SHLD1: variants seen among roughly 807,000 people sequenced by gnomAD.
The protein encoded by SHLD1 is shieldin complex subunit 1.
SHLD1 carries 3 observed loss-of-function variants against 5.5 expected under a neutral mutation model. The observed-to-expected ratio is 0.54, with a 90% CI of 0.25 to 1.40. SHLD1 has a LOEUF of 1.40. SHLD1 is among the 40% of genes most tolerant of loss of function. SHLD1 has a pLI of 0.15. For synonymous variants in SHLD1, 92 were observed against 94.3 expected (o/e 0.98, Z 0.14); for missense variants, 210 against 244.4 (o/e 0.86, Z 0.94).
intron 2 of SHLD1, among the ~76,000 whole-genome samples, chr20:5,791,563 CAAAAAAAAA>C (rs34606715): frequency 1.6e-5 from 1 of 61,018 alleles, no homozygotes; most frequent in Non-Finnish European, 2.9e-5. Context: ...GACCCTGTCT[CAAAAAAAAA>C]AAAAAAAAAA....
At chr20:5,832,103 G>A (rs2087735445) in intron 2 of SHLD1, among the ~76,000 whole-genome samples, 1 of 152,206 alleles carries the variant, frequency 6.6e-6, no homozygotes. Flanking sequence ...ACTGCGCCCA[G>A]CAAATTTTTG....
intron 2 of SHLD1, among the ~76,000 whole-genome samples, chr20:5,784,332 A>G (rs2087027129): frequency 6.6e-6 from 1 of 152,060 alleles, no homozygotes; most frequent in South Asian, 2.1e-4. Context: ...CCCTTCTTTA[A>G]AACTAAAAAA....
At chr20:5,752,451 T>C (rs1028735860) in intron 1 of SHLD1, among the ~76,000 whole-genome samples, 1 of 151,396 alleles carries the variant, frequency 6.6e-6, no homozygotes, top group Admixed American at 6.6e-5. Context: ...TTTTTGGAAA[T>C]TTAGGTGTCA....
chr20:5,817,545 T>C (rs2087552837), intron 2 of SHLD1, among the ~76,000 whole-genome samples: 1 of 151,818 alleles, frequency 6.6e-6, no homozygotes, highest in African/African-American at 2.4e-5. Flanking sequence ...GCCTGTACTC[T>C]GTAGCTAGTT....
At chr20:5,752,579 G>A (rs1396022873) in intron 1 of SHLD1, among the ~76,000 whole-genome samples, 1 of 150,688 alleles carries the variant, frequency 6.6e-6, no homozygotes, top group Non-Finnish European at 1.5e-5. Flanking sequence ...GCTTTGTAGG[G>A]CCATTTTAAA....
chr20:5,794,464 G>A lies in SHLD1; in HGVS notation c.178+21421G>A, dbSNP rs138097291. On this transcript the variant is annotated intron_variant, in intron 2 of 2. Coordinates refer to ENST00000303142, the MANE Select transcript of SHLD1 (RefSeq NM_152504.4). Reference sequence around the variant, plus strand: ...CAGGCCCCTTACAGAGAAGTTATTCGGATTAACACTGACCAAAAGTATCTA... The same window carrying A: ...CAGGCCCCTTACAGAGAAGTTATTCAGATTAACACTGACCAAAAGTATCTA... Among the ~76,000 whole-genome samples, 535 of 152,242 alleles carry A rather than the reference G, an allele frequency of 3.5e-3. 1 individual carries two copies. The highest frequency in any genetic ancestry group is 0.012 in the African/African-American group (483 of 41,524).
chr20:5,846,506 G>A (rs1448985522), intron 2 of SHLD1, among the ~76,000 whole-genome samples: 1 of 152,224 alleles, frequency 6.6e-6, no homozygotes, highest in Non-Finnish European at 1.5e-5. Context: ...CTACTCACAA[G>A]TGCTGCTTAC....
intron 1 of SHLD1, chr20:5,756,605 A>G (rs1984115576): frequency 6.1e-6 from 1 of 164,318 alleles, no homozygotes. Context: ...TTGATCTTGT[A>G]TCATGTGACC....
At chr20:5,840,391 G>A (rs907783471) in intron 2 of SHLD1, among the ~76,000 whole-genome samples, 1 of 152,024 alleles carries the variant, frequency 6.6e-6, no homozygotes, top group East Asian at 1.9e-4. Context: ...ACTGTTCAGG[G>A]TTTGTTAACT....
At chr20:5,852,415 C>CCCTTCCTTCCTACCTTCCTTCCTT (rs1555777909) in intron 2 of SHLD1, among the ~76,000 whole-genome samples, 2 of 149,982 alleles carry the variant, frequency 1.3e-5, no homozygotes, top group African/African-American at 5.0e-5. Context: ...TCCTTTCCCT[C>CCCTTCCTTCCTACCTTCCTTCCTT]CCTTCCTTCC....
chr20:5,782,418 G>A (rs376840274), intron 2 of SHLD1, among the ~76,000 whole-genome samples: 4 of 152,264 alleles, frequency 2.6e-5, no homozygotes, highest in Admixed American at 6.5e-5. Context: ...AGCATCCAAG[G>A]TACTTTCTAA....
intron 2 of SHLD1, among the ~76,000 whole-genome samples, chr20:5,781,201 C>T (rs1034767123): frequency 6.6e-6 from 1 of 152,172 alleles, no homozygotes; most frequent in African/African-American, 2.4e-5. Flanking sequence ...CTCAGCCCTT[C>T]CTAGTGAGAT....
At chr20:5,853,918 C>T (rs2088046779) in intron 2 of SHLD1, among the ~76,000 whole-genome samples, 1 of 151,784 alleles carries the variant, frequency 6.6e-6, no homozygotes, top group South Asian at 2.1e-4. Flanking sequence ...CTGCTCACTG[C>T]AGCCTCCACC....
At chr20:5,860,876 TAAAAAAAAAAAAAAAAAA>T (rs10555301) in intron 2 of SHLD1, among the ~76,000 whole-genome samples, 15 of 100,780 alleles carry the variant, frequency 1.5e-4, no homozygotes, top group South Asian at 4.0e-4. Context: ...TACTATTCTT[TAAAAAAAAAAAAAAAAAA>T]AAAAAAAAAA....
chr20:5,804,719 A>G (rs1299816576), intron 2 of SHLD1, among the ~76,000 whole-genome samples: 4 of 152,242 alleles, frequency 2.6e-5, no homozygotes, highest in Non-Finnish European at 4.4e-5. Flanking sequence ...TGCATCAAAC[A>G]AAAGTTTGCA....
intron 1 of SHLD1, 47 bp downstream of exon 1, chr20:5,750,526 G>C (rs1186736445): frequency 1.4e-5 from 2 of 144,748 alleles, no homozygotes; most frequent in African/African-American, 2.6e-5. Context: ...TGGGGGCGGG[G>C]GTCACAGCAA....
At chr20:5,802,419 T>A (rs1007634875) in intron 2 of SHLD1, among the ~76,000 whole-genome samples, 1 of 152,166 alleles carries the variant, frequency 6.6e-6, no homozygotes, top group Non-Finnish European at 1.5e-5. Context: ...TTAATCCTTC[T>A]GGGCCACACT....
At chr20:5,860,779 A>G (rs1398581858) in intron 2 of SHLD1, among the ~76,000 whole-genome samples, 1 of 148,186 alleles carries the variant, frequency 6.7e-6, no homozygotes. Context: ...CCTTCCACCC[A>G]TCCTGGAGGC....
At chr20:5,777,240 C>T (rs1371837026) in intron 2 of SHLD1, among the ~76,000 whole-genome samples, 3 of 152,178 alleles carry the variant, frequency 2.0e-5, no homozygotes, top group African/African-American at 7.2e-5. Flanking sequence ...CCACCTGCCT[C>T]AGCCTCCCAA....
Sources: allele counts gnomAD v4.1 joint callset (sites outside exome capture counted in the v4.1 genomes callset), GRCh38; gene constraint gnomAD v4.1.1; transcripts MANE v1.5; gene names NCBI Gene and HGNC (gene_info 2026-07-23, HGNC 2026-07-21).